CEP128: variants seen among roughly 807,000 people sequenced by gnomAD.
CEP128 encodes centrosomal protein 128kDa.
Under a neutral mutation model 156.7 loss-of-function variants are expected in CEP128, and 132 were observed. That is an observed-to-expected ratio of 0.84 (90% CI 0.73 to 0.97). CEP128 has a LOEUF of 0.97. CEP128 is among the 50% of genes least tolerant of loss of function. The pLI is 0.00. For synonymous variants in CEP128, 469 were observed against 448.9 expected, an observed-to-expected ratio of 1.04 and a Z score of -0.57; for missense variants, 1,252 against 1,281.9, an observed-to-expected ratio of 0.98 and a Z score of 0.36.
chr14:80,650,999 G>T (rs964383124), intron 19 of CEP128, among the ~76,000 whole-genome samples: 7 of 152,132 alleles, frequency 4.6e-5, no homozygotes, highest in Non-Finnish European at 1.0e-4. Context: ...AATAGTACCA[G>T]CTCCTCTTTG....
At chr14:80,802,454 G>A (rs569565663) in intron 13 of CEP128, among the ~76,000 whole-genome samples, 52 of 150,088 alleles carry the variant, frequency 3.5e-4, no homozygotes, top group Non-Finnish European at 6.2e-4. Flanking sequence ...ACCAAACACC[G>A]CATGCTCTCA....
intron 19 of CEP128, among the ~76,000 whole-genome samples, chr14:80,606,588 C>T (rs966448352): frequency 1.2e-4 from 18 of 152,130 alleles, no homozygotes; most frequent in African/African-American, 4.3e-4. Context: ...GCTTATGAAA[C>T]AGAGAAAGGA....
At chr14:80,815,170 C>G (rs1202907970) in intron 13 of CEP128, among the ~76,000 whole-genome samples, 1 of 152,166 alleles carries the variant, frequency 6.6e-6, no homozygotes, top group East Asian at 1.9e-4. Context: ...AACTATACAT[C>G]TGACTGATAA....
intron 19 of CEP128, among the ~76,000 whole-genome samples, chr14:80,640,242 C>T (rs1014722839): frequency 6.6e-6 from 1 of 152,062 alleles, no homozygotes; most frequent in Admixed American, 6.6e-5. Context: ...TAGGTAGGAC[C>T]AAACCAGAGA....
At chr14:80,682,120 TA>T (rs1896348456) in intron 19 of CEP128, among the ~76,000 whole-genome samples, 1 of 150,186 alleles carries the variant, frequency 6.7e-6, no homozygotes, top group Non-Finnish European at 1.5e-5. Flanking sequence ...CACAAAAAAA[TA>T]AAAAAGGAAA....
chr14:80,885,217 T>G (rs1252449423), intron 8 of CEP128, among the ~76,000 whole-genome samples: 2 of 152,126 alleles, frequency 1.3e-5, no homozygotes, highest in African/African-American at 4.8e-5. Context: ...GACTTAAACG[T>G]TCCTGCCTGC....
At position 80,927,742 on chromosome 14, in the gene CEP128, G is replaced by A. The variant is rs1169910031; in HGVS notation, c.-15-11180C>T. ...GGCTGTGACCTCTGCCCACCACTGGGATACTGCATTTACCCAACTGCTTTA... is the reference window on the plus strand; with the variant it reads ...GGCTGTGACCTCTGCCCACCACTGGAATACTGCATTTACCCAACTGCTTTA... On this transcript the variant is annotated intron_variant, in intron 2 of 24. Coordinates refer to ENST00000555265, the MANE Select transcript of CEP128 (RefSeq NM_152446.5). Among the ~76,000 whole-genome samples the A allele has an allele frequency of 2.0e-5, 3 of 152,188 alleles. No homozygotes were observed. The South Asian group carries it at 6.2e-4, about 32-fold the overall frequency.
chr14:80,559,228 A>C, intron 21 of CEP128, 51 bp downstream of exon 21: 1 of 1,507,570 alleles, frequency 6.6e-7, no homozygotes, highest in Non-Finnish European at 9.2e-7. Flanking sequence ...AATCCACATC[A>C]GGAGACAGCA....
At chr14:80,661,439 T>C (rs923562685) in intron 19 of CEP128, among the ~76,000 whole-genome samples, 1 of 152,152 alleles carries the variant, frequency 6.6e-6, no homozygotes, top group Non-Finnish European at 1.5e-5. Flanking sequence ...TCTTAGGTAA[T>C]GAATCTTTTT....
intron 9 of CEP128, among the ~76,000 whole-genome samples, chr14:80,854,042 T>C (rs1293765260): frequency 1.3e-5 from 2 of 151,998 alleles, no homozygotes; most frequent in East Asian, 3.9e-4. Flanking sequence ...GCAAAAGTCA[T>C]ACATAGGCAC....
intron 10 of CEP128, among the ~76,000 whole-genome samples, chr14:80,838,673 T>C (rs949358592): frequency 6.6e-6 from 1 of 152,166 alleles, no homozygotes; most frequent in Non-Finnish European, 1.5e-5. Flanking sequence ...TAAATTAGAA[T>C]ACACAGTGTC....
At chr14:80,685,284 G>C (rs1896481646) in intron 19 of CEP128, among the ~76,000 whole-genome samples, 1 of 151,914 alleles carries the variant, frequency 6.6e-6, no homozygotes, top group African/African-American at 2.4e-5. Flanking sequence ...AAAATAAGTG[G>C]CATTTCTATA....
chr14:80,914,262 A>G, intron 4 of CEP128, 60 bp downstream of exon 4: 1 of 1,283,834 alleles, frequency 7.8e-7, no homozygotes, highest in Non-Finnish European at 1.1e-6. Flanking sequence ...CCCATTCCCC[A>G]AAACACTTCA....
chr14:80,576,071 A>C (rs1891341409), intron 20 of CEP128, among the ~76,000 whole-genome samples: 1 of 152,096 alleles, frequency 6.6e-6, no homozygotes, highest in African/African-American at 2.4e-5. Context: ...TGTGTGCTGT[A>C]TTTTAGGATT....
At chr14:80,676,638 C>T (rs1289228683) in intron 19 of CEP128, among the ~76,000 whole-genome samples, 3 of 152,052 alleles carry the variant, frequency 2.0e-5, no homozygotes, top group Non-Finnish European at 4.4e-5. Context: ...TTTTTAAATG[C>T]TAGTATCCTT....
intron 19 of CEP128, among the ~76,000 whole-genome samples, chr14:80,628,870 G>A (rs1181113554): frequency 2.0e-5 from 3 of 152,028 alleles, no homozygotes; most frequent in African/African-American, 7.3e-5. Context: ...GGCAGCATGG[G>A]TGAAAATGAA....
chr14:80,726,481 A>C (rs1898025370), intron 19 of CEP128, among the ~76,000 whole-genome samples: 1 of 152,234 alleles, frequency 6.6e-6, no homozygotes, highest in South Asian at 2.1e-4. Context: ...CTTTATATGT[A>C]AATTTTTGTG....
intron 19 of CEP128, among the ~76,000 whole-genome samples, chr14:80,670,380 C>G (rs1173306623): frequency 2.0e-5 from 3 of 152,194 alleles, no homozygotes; most frequent in Non-Finnish European, 4.4e-5. Context: ...GTCTGTCTGT[C>G]TGTCTACCTA....
At chr14:80,755,123 G>A (rs1273584370) in intron 18 of CEP128, among the ~76,000 whole-genome samples, 3 of 152,066 alleles carry the variant, frequency 2.0e-5, no homozygotes, top group African/African-American at 7.2e-5. Flanking sequence ...AATATAAGGA[G>A]GCAGAAAAAT....
Sources: gnomAD v4.1 joint callset for allele counts (sites outside exome capture counted in the v4.1 genomes callset) on GRCh38, gnomAD v4.1.1 for gene constraint, MANE v1.5 for transcripts, NCBI Gene and HGNC (gene_info 2026-07-23, HGNC 2026-07-21) for gene names.